OC90: variants seen among roughly 807,000 people sequenced by gnomAD.
OC90 encodes the protein otoconin-90.
OC90 carries 46 observed loss-of-function variants against 47.3 expected under a neutral mutation model. The observed-to-expected ratio is 0.97, with a 90% CI of 0.77 to 1.24. The LOEUF (loss-of-function observed/expected upper bound fraction) is 1.24, where lower values mean the gene tolerates loss of function less well. OC90 is among the 50% of genes most tolerant of loss of function. The pLI, the probability that OC90 is intolerant of heterozygous loss-of-function variation, is 0.00. For synonymous variants in OC90, 271 were observed against 219.5 expected (o/e 1.23, Z -2.07); for missense variants, 688 against 583.9 (o/e 1.18, Z -1.84).
chr8:132,056,227 G>A (rs531648503), intron 1 of OC90, among the ~76,000 whole-genome samples: 5 of 152,134 alleles, frequency 3.3e-5, no homozygotes, highest in Non-Finnish European at 4.4e-5. Flanking sequence ...GAAGGAAGGA[G>A]CACTTTGTAA....
intron 3 of OC90, 62 bp from the exon 4 acceptor site, chr8:132,044,551 C>A: frequency 1.1e-6 from 1 of 905,512 alleles, no homozygotes. Flanking sequence ...CTTCCCTGTC[C>A]ACCCTCTAGG....
chr8:132,032,138 T>A, intron 11 of OC90, 86 bp from the exon 12 acceptor site: 1 of 1,229,238 alleles, frequency 8.1e-7, no homozygotes, highest in Non-Finnish European at 1.2e-6. Context: ...CCGGGTTGTA[T>A]GTGGACAACT....
intron 8 of OC90, 137 bp from the exon 9 acceptor site, chr8:132,037,625 T>G: frequency 1.4e-6 from 1 of 728,462 alleles, no homozygotes. Flanking sequence ...TAAGAAGAGC[T>G]GTTCATCCTG....
intron 1 of OC90, among the ~76,000 whole-genome samples, chr8:132,058,227 G>A (rs1823300880): frequency 6.6e-6 from 1 of 152,180 alleles, no homozygotes; most frequent in South Asian, 2.1e-4. Context: ...AGGGTACGTG[G>A]GTGGGATGGT....
In OC90 at chr8:132,024,761, A is replaced by T. The variant is rs760791393; in HGVS notation, c.1154T>A (p.Leu385Gln). 2 of 1,613,026 alleles carry T rather than the reference A, an allele frequency of 1.2e-6. No homozygotes were observed. The highest frequency in any genetic ancestry group is 2.2e-5 in the South Asian group (2 of 90,908). ...ACAGGCACAGAGCAACTTCTCACAC[A>T]GGCTTTGGCCCCCACCTTAGAAGGA... ...DHTPKCGGQS[L>Q]CEKLLCACDQ... The change falls in exon 14 of 14, where the codon CTG becomes CAG. Residue 385 changes from leucine to glutamine, a missense_variant. Leu to Gln is a moderately radical substitution (Grantham distance 113). Coordinates refer to ENST00000254627, the MANE Select transcript of OC90 (RefSeq NM_001080399.3).
At position 132,045,873 on chromosome 8, in the gene OC90, AGGAT is replaced by A; in HGVS notation, c.53_56del (p.His18LeufsTer58). ...CCTGTGGAAGATGTGGAGTGTCCAGAGGATGGCCTCCTATAAATAAGGAAGAGAA... is the reference window on the plus strand; with the variant it reads ...CCTGTGGAAGATGTGGAGTGTCCAGAGGCCTCCTATAAATAAGGAAGAGAA... On this transcript the variant is annotated frameshift_variant, in exon 3 of 14. Transcript: ENST00000254627. LOFTEE classifies it high-confidence loss of function. 1 of 1,539,038 alleles carries A rather than the reference AGGAT, an allele frequency of 6.5e-7. No individual in the cohort carries two copies. Among genetic ancestry groups the A allele is most frequent in the Non-Finnish European group, 8.8e-7 (1 of 1,135,446 alleles).
At chr8:132,045,938 G>T in intron 2 of OC90, 55 bp from the exon 3 acceptor site, 1 of 1,000,332 alleles carries the variant, frequency 1.0e-6, no homozygotes, top group Non-Finnish European at 1.5e-6. Flanking sequence ...CAATTCACTT[G>T]CTGGACTAAG....
chr8:132,041,407 C>A (rs1823050753), intron 5 of OC90, 118 bp downstream of exon 5: 1 of 865,718 alleles, frequency 1.2e-6, no homozygotes, highest in Non-Finnish European at 1.8e-6. Flanking sequence ...TGGAATTAAA[C>A]CCTCTCCTGA....
intron 1 of OC90, among the ~76,000 whole-genome samples, chr8:132,056,307 C>T (rs1414046815): frequency 3.9e-5 from 6 of 152,136 alleles, no homozygotes; most frequent in South Asian, 4.1e-4. Flanking sequence ...AGGGCCGTGA[C>T]GGGTCATTCT....
In OC90 at chr8:132,041,153, G is replaced by A. The variant is rs201436369; in HGVS notation, c.348C>T (p.Cys116=). The A allele has an allele frequency of 2.1e-5, 33 of 1,609,514 alleles. No homozygotes were observed. Among genetic ancestry groups the A allele is most frequent in the Non-Finnish European group, 2.7e-5 (32 of 1,175,892 alleles). ...CATAGCACCTGCGGTGCTGGAAGCA[G>A]CAGCTGTAGGAAGGCCGGGAGGAGG... The part of the protein sequence containing the change: ...EGLPVDESDS[C]CFQHRRCYEE... The change falls in exon 6 of 14, where the codon TGC becomes TGT. Residue 116 remains cysteine, a synonymous_variant. Transcript: ENST00000254627.
intron 13 of OC90, among the ~76,000 whole-genome samples, chr8:132,027,038 T>C (rs1164973171): frequency 6.6e-6 from 1 of 152,116 alleles, no homozygotes; most frequent in African/African-American, 2.4e-5. Flanking sequence ...CCATGCCCAG[T>C]ATGGCCATCT....
In OC90 at chr8:132,024,268, G is replaced by T. The variant is rs1483267424; in HGVS notation, c.*213C>A. 89 of 485,884 alleles carry T rather than the reference G, an allele frequency of 1.8e-4. 1 individual carries two copies. The highest frequency in any genetic ancestry group is 1.1e-4 in the Non-Finnish European group (29 of 274,210). 30.1% of individuals were successfully genotyped at this position (485,884 alleles called of 1,614,324 possible). Reference sequence around the variant, plus strand: ...CACAGTGCACTAAAGGAGCATGGAGGTACCATGGTGTGCCTTCTCCAAGTG... The same window carrying T: ...CACAGTGCACTAAAGGAGCATGGAGTTACCATGGTGTGCCTTCTCCAAGTG... On this transcript the variant is annotated 3_prime_UTR_variant, in exon 14 of 14. Coordinates refer to ENST00000254627, the MANE Select transcript of OC90 (RefSeq NM_001080399.3).
intron 13 of OC90, among the ~76,000 whole-genome samples, chr8:132,025,046 G>A (rs1428897567): frequency 6.6e-6 from 1 of 152,226 alleles, no homozygotes; most frequent in African/African-American, 2.4e-5. Context: ...GAGCTGCCAG[G>A]CTAAGGGAAG....
chr8:132,032,247 G>A (rs748680871), intron 11 of OC90, among the ~76,000 whole-genome samples, 195 bp from the exon 12 acceptor site: 12 of 152,074 alleles, frequency 7.9e-5, no homozygotes, highest in African/African-American at 1.7e-4. Context: ...ATTGTCTTTC[G>A]GAGAGCAAGT....
intron 10 of OC90, among the ~76,000 whole-genome samples, chr8:132,033,459 C>T (rs16904577): frequency 6.6e-6 from 1 of 152,206 alleles, no homozygotes; most frequent in South Asian, 2.1e-4. Flanking sequence ...TTTAGTATCA[C>T]ATGCCTGCCC....
chr8:132,041,707 G>T lies in OC90; in HGVS notation c.170-8C>A. 4 of 1,517,686 alleles carry T rather than the reference G, an allele frequency of 2.6e-6. No homozygotes were observed. Among genetic ancestry groups the T allele is most frequent in the South Asian group, 1.1e-5 (1 of 88,098 alleles). 94.0% of individuals were successfully genotyped at this position (1,517,686 alleles called of 1,614,324 possible). On this transcript the variant is annotated splice_polypyrimidine_tract_variant and splice_region_variant and intron_variant, in intron 4 of 13. Coordinates refer to ENST00000254627, the MANE Select transcript of OC90 (RefSeq NM_001080399.3). ...AGTGGGGGCCCAGGCAATCTGTGGGGGTGGGGGGCAGGGCCTGATAAGCAC... is the reference window on the plus strand; with the variant it reads ...AGTGGGGGCCCAGGCAATCTGTGGGTGTGGGGGGCAGGGCCTGATAAGCAC...
Position 132,041,700 on chromosome 8 carries a change from C to CGG in OC90, c.170-2_170-1insCC. On this transcript the variant is annotated splice_acceptor_variant, in intron 4 of 13. Coordinates refer to ENST00000254627, the MANE Select transcript of OC90 (RefSeq NM_001080399.3). LOFTEE classifies it high-confidence loss of function. The stretch of plus-strand genomic sequence containing the variant: ...CAGGTGAAGTGGGGGCCCAGGCAAT[C>CGG]TGTGGGGGTGGGGGGCAGGGCCTGA... 3.8e-6 allele frequency: 3 copies of CGG among 799,644 alleles called. No homozygotes were observed. The highest frequency in any genetic ancestry group is 5.7e-6 in the Non-Finnish European group (3 of 523,250). The allele number at this position is 799,644 out of a possible 1,614,324, so 49.5% of individuals were successfully genotyped here.
intron 12 of OC90, among the ~76,000 whole-genome samples, chr8:132,029,702 A>G (rs1215858181): frequency 6.6e-6 from 1 of 152,214 alleles, no homozygotes; most frequent in East Asian, 1.9e-4. Context: ...CTGCATCTAG[A>G]AAAGTGTCCA....
chr8:132,048,325 G>A (rs553978264), intron 2 of OC90, among the ~76,000 whole-genome samples: 40 of 152,286 alleles, frequency 2.6e-4, no homozygotes, highest in African/African-American at 9.6e-4. Flanking sequence ...TTCTTTTAAA[G>A]CAAGCTTTTA....
Sources: allele counts gnomAD v4.1 joint callset (sites outside exome capture counted in the v4.1 genomes callset), GRCh38; gene constraint gnomAD v4.1.1; transcripts MANE v1.5; gene names NCBI Gene and HGNC (gene_info 2026-07-23, HGNC 2026-07-21).